APOO: variants seen among roughly 807,000 people sequenced by gnomAD.
The protein encoded by APOO is MICOS complex subunit MIC26.
A neutral mutation model predicts 23.1 loss-of-function variants in APOO; 11 were observed. That is an observed-to-expected ratio of 0.48 (90% CI 0.30 to 0.79). APOO has a LOEUF of 0.79. APOO is among the 30% of genes least tolerant of loss of function. APOO has a pLI of 0.07. For missense variants in APOO, 160 were observed against 142.7 expected, an observed-to-expected ratio of 1.12 and a Z score of -0.62; for synonymous variants, 59 against 54.8, an observed-to-expected ratio of 1.08 and a Z score of -0.34.
At position 23,907,816 on chromosome X, in the gene APOO, G is replaced by A; in HGVS notation, c.-114C>T. The A allele has an allele frequency of 1.1e-6, 1 of 909,967 alleles. No homozygotes were observed. Among genetic ancestry groups the A allele is most frequent in the South Asian group, 2.7e-5 (1 of 36,682 alleles). 75.0% of individuals were successfully genotyped at this position (909,967 alleles called of 1,213,427 possible). On this transcript the variant is annotated 5_prime_UTR_variant, in exon 1 of 9. Coordinates refer to ENST00000379226, the MANE Select transcript of APOO (RefSeq NM_024122.5). ...TGATTTCTCCAACCGCAAGCAGGCAGCGGTGCGGGTGACGGCCGTACTGCA... is the reference window on the plus strand; with the variant it reads ...TGATTTCTCCAACCGCAAGCAGGCAACGGTGCGGGTGACGGCCGTACTGCA...
chrX:23,906,808 C>A (rs1374618633), intron 1 of APOO, among the ~76,000 whole-genome samples: 1 of 112,306 alleles, frequency 8.9e-6, no homozygotes, highest in Non-Finnish European at 1.9e-5. Context: ...CAAGGTCACA[C>A]AGCTAGAAAG....
At chrX:23,875,877 C>T (rs907643846) in intron 3 of APOO, among the ~76,000 whole-genome samples, 2 of 111,050 alleles carry the variant, frequency 1.8e-5, no homozygotes, top group Admixed American at 9.7e-5. Flanking sequence ...GTAATCCCAA[C>T]ACTTTGGGAG....
At chrX:23,865,064 G>C (rs59942390) in intron 5 of APOO, among the ~76,000 whole-genome samples, 13,177 of 111,215 alleles carry the variant, frequency 0.12, 891 homozygotes, top group South Asian at 0.52. Flanking sequence ...TCTCCCAAGA[G>C]GCCAGTGGTA....
chrX:23,875,544 C>T (rs961036673), intron 3 of APOO, among the ~76,000 whole-genome samples: 2 of 106,066 alleles, frequency 1.9e-5, no homozygotes, highest in African/African-American at 6.9e-5. Context: ...CTCAGCCTCC[C>T]GAGTAGCTGG....
chrX:23,900,474 G>A (rs1424755406), intron 1 of APOO, among the ~76,000 whole-genome samples: 2 of 110,064 alleles, frequency 1.8e-5, no homozygotes, highest in African/African-American at 6.6e-5. Context: ...AGGAGCTCAA[G>A]ACCAGTCTGG....
chrX:23,856,632 G>A (rs1307341507), intron 6 of APOO, among the ~76,000 whole-genome samples: 1 of 108,330 alleles, frequency 9.2e-6, no homozygotes, highest in African/African-American at 3.4e-5. Flanking sequence ...TTGGCTCACT[G>A]CAACCTCTGC....
At chrX:23,898,648 C>T (rs1385123691) in intron 1 of APOO, among the ~76,000 whole-genome samples, 4 of 112,154 alleles carry the variant, frequency 3.6e-5, no homozygotes, top group Non-Finnish European at 7.5e-5. Flanking sequence ...AATGTTTGGA[C>T]TATACCCAGC....
chrX:23,850,177 G>C (rs1924467702), intron 7 of APOO, among the ~76,000 whole-genome samples: 2 of 112,311 alleles, frequency 1.8e-5, no homozygotes, highest in South Asian at 7.2e-4. Flanking sequence ...ATGCATAGGT[G>C]AAAAGATAGA....
intron 7 of APOO, among the ~76,000 whole-genome samples, chrX:23,849,111 T>C (rs1247547778): frequency 9.1e-6 from 1 of 109,309 alleles, no homozygotes; most frequent in African/African-American, 3.3e-5. Context: ...AATTTTTTTG[T>C]ATTTTTAGTA....
At chrX:23,874,274 C>T (rs1390828289) in intron 4 of APOO, 129 bp downstream of exon 4, 2 of 612,266 alleles carry the variant, frequency 3.3e-6, no homozygotes, top group Non-Finnish European at 5.2e-6. Context: ...GAAAAATCCA[C>T]ATAGCTCTAA....
At chrX:23,874,253 T>A in intron 4 of APOO, 150 bp downstream of exon 4, 2 of 514,031 alleles carry the variant, frequency 3.9e-6, no homozygotes, top group Non-Finnish European at 6.6e-6. Context: ...AAACAACAGC[T>A]CCTCTTCCCA....
At chrX:23,885,431 A>G (rs1224881183) in intron 1 of APOO, among the ~76,000 whole-genome samples, 1 of 105,297 alleles carries the variant, frequency 9.5e-6, no homozygotes, top group Admixed American at 1.1e-4. Context: ...ATACATAACT[A>G]TATATATATA....
chrX:23,855,040 CTTT>C (rs768905855), intron 7 of APOO, among the ~76,000 whole-genome samples: 6 of 92,070 alleles, frequency 6.5e-5, no homozygotes, highest in Non-Finnish European at 4.4e-5. Context: ...TTCTTTTTTT[CTTT>C]TTTTTTTTTT....
At chrX:23,862,529 G>A (rs1347154874) in intron 5 of APOO, among the ~76,000 whole-genome samples, 2 of 107,832 alleles carry the variant, frequency 1.9e-5, no homozygotes, top group Non-Finnish European at 3.8e-5. Context: ...TAATCCTAGC[G>A]CTTTGGGAGG....
chrX:23,842,144 T>G (rs1445593066), intron 7 of APOO, among the ~76,000 whole-genome samples: 1 of 111,548 alleles, frequency 9.0e-6, no homozygotes, highest in Non-Finnish European at 1.9e-5. Context: ...ATCCCAGCAC[T>G]TCAGGAGGCC....
At chrX:23,851,108 G>T (rs1299455015) in intron 7 of APOO, among the ~76,000 whole-genome samples, 4 of 111,362 alleles carry the variant, frequency 3.6e-5, no homozygotes, top group African/African-American at 9.7e-5. Flanking sequence ...GAAAAACAAG[G>T]GAATGAAATA....
chrX:23,891,293 C>A (rs368680486), intron 1 of APOO, among the ~76,000 whole-genome samples: 1 of 110,865 alleles, frequency 9.0e-6, no homozygotes, highest in East Asian at 2.8e-4. Flanking sequence ...GTGGCCTGAT[C>A]TCGGCTCACT....
At chrX:23,900,192 C>A (rs1927065544) in intron 1 of APOO, among the ~76,000 whole-genome samples, 1 of 112,351 alleles carries the variant, frequency 8.9e-6, no homozygotes, top group Non-Finnish European at 1.9e-5. Context: ...AACCTGCAAG[C>A]ATAGATTACT....
In APOO at chrX:23,874,478, T is replaced by C. The variant is rs746095920; in HGVS notation, c.238-21A>G. ...GTTTCCTAAAAAGGTAAAAAGAAAC[T>C]GAATGAAACTATTCACAGGATCTGC... On this transcript the variant is annotated intron_variant, in intron 3 of 8. Transcript: ENST00000379226. The C allele has an allele frequency of 1.1e-5, 13 of 1,155,177 alleles. No individual in the cohort carries two copies. In the Middle Eastern group the frequency reaches 1.2e-3, roughly 106 times the overall value.
Sources: allele counts gnomAD v4.1 joint callset (sites outside exome capture counted in the v4.1 genomes callset), GRCh38; gene constraint gnomAD v4.1.1; transcripts MANE v1.5; gene names NCBI Gene and HGNC (gene_info 2026-07-23, HGNC 2026-07-21).